Variants in PSD3 observed in about 807,000 individuals in gnomAD.
PSD3 encodes PH and SEC7 domain-containing protein 3.
In PSD3, 49 loss-of-function variants were observed where a neutral mutation model predicts 105.5. That is an observed-to-expected ratio of 0.46 (90% CI 0.37 to 0.59). The LOEUF (loss-of-function observed/expected upper bound fraction) is 0.59. Ranked by LOEUF, PSD3 falls within the 20% of genes least tolerant of loss-of-function variation. PSD3 has a pLI of 0.00. For missense variants in PSD3, 1,561 were observed against 1,263.8 expected (o/e 1.24, Z -3.57); for synonymous variants, 557 against 457.8 (o/e 1.22, Z -2.77).
chr8:18,622,626 G>A (rs2130719827), intron 11 of PSD3, among the ~76,000 whole-genome samples: 1 of 152,258 alleles, frequency 6.6e-6, no homozygotes, highest in East Asian at 1.9e-4. Flanking sequence ...TTGTACATAA[G>A]TGTACAATTT....
chr8:18,977,966 C>G lies in PSD3; in HGVS notation c.21+35597G>C, dbSNP rs1016881604. On this transcript the variant is annotated intron_variant, in intron 1 of 15. Coordinates refer to ENST00000327040, the MANE Select transcript of PSD3 (RefSeq NM_015310.4). Reference sequence around the variant, plus strand: ...CCAGAGATGGACTTTTGAGCAAAAACAAGTGAACAATACATGATTTACTGA... The same window carrying G: ...CCAGAGATGGACTTTTGAGCAAAAAGAAGTGAACAATACATGATTTACTGA... Among the ~76,000 whole-genome samples, 2 of 152,096 alleles carry G rather than the reference C, an allele frequency of 1.3e-5. 1 individual carries two copies. The highest frequency in any genetic ancestry group is 2.9e-5 in the Non-Finnish European group (2 of 68,020).
At chr8:18,650,782 C>A (rs180707293) in intron 10 of PSD3, among the ~76,000 whole-genome samples, 303 of 152,330 alleles carry the variant, frequency 2.0e-3, no homozygotes, top group Non-Finnish European at 2.6e-3. Flanking sequence ...ATGAGACTAG[C>A]AAATTAATAC....
chr8:18,701,344 A>G (rs1801571967), intron 9 of PSD3, among the ~76,000 whole-genome samples: 1 of 152,080 alleles, frequency 6.6e-6, no homozygotes, highest in South Asian at 2.1e-4. Flanking sequence ...GTGTCTCTTG[A>G]GTTGGTATAA....
chr8:18,944,571 AAAATAAATAAATAAATAAAT>A (rs56700106), intron 1 of PSD3, among the ~76,000 whole-genome samples: 135 of 143,852 alleles, frequency 9.4e-4, no homozygotes, highest in African/African-American at 1.1e-3. Flanking sequence ...ACTCCATCTC[AAAATAAATAAATAAATAAAT>A]AAATAAATAA....
intron 2 of PSD3, among the ~76,000 whole-genome samples, chr8:18,919,714 A>G (rs772608335): frequency 1.2e-4 from 18 of 151,972 alleles, no homozygotes; most frequent in Non-Finnish European, 2.5e-4. Flanking sequence ...CATGGATGAA[A>G]TTGGAAATCA....
chr8:18,874,228 C>T (rs549432212), intron 2 of PSD3, among the ~76,000 whole-genome samples: 1 of 152,080 alleles, frequency 6.6e-6, no homozygotes, highest in African/African-American at 2.4e-5. Flanking sequence ...GTGGTACGAT[C>T]TCGGTTCACT....
At chr8:18,666,619 G>A (rs1799475244) in intron 9 of PSD3, among the ~76,000 whole-genome samples, 1 of 152,086 alleles carries the variant, frequency 6.6e-6, no homozygotes, top group Admixed American at 6.6e-5. Context: ...AGGCCAGGGA[G>A]AGACTCCGGG....
chr8:18,870,309 A>G (rs770048725), intron 3 of PSD3, among the ~76,000 whole-genome samples: 1 of 152,238 alleles, frequency 6.6e-6, no homozygotes, highest in Non-Finnish European at 1.5e-5. Flanking sequence ...AGTACAGTAC[A>G]CAACAAATGA....
At chr8:18,658,854 C>T (rs149720673) in intron 9 of PSD3, among the ~76,000 whole-genome samples, 1 of 152,248 alleles carries the variant, frequency 6.6e-6, no homozygotes, top group Non-Finnish European at 1.5e-5. Flanking sequence ...GAATTTCTCT[C>T]TCATCTCAAT....
chr8:18,900,757 A>G (rs867930163), intron 2 of PSD3, among the ~76,000 whole-genome samples: 7 of 149,460 alleles, frequency 4.7e-5, no homozygotes, highest in Non-Finnish European at 8.9e-5. Flanking sequence ...CTGACACCTC[A>G]GCCTCCCAAG....
At position 18,965,871 on chromosome 8, in the gene PSD3, C is replaced by A. The variant is rs372070620; in HGVS notation, c.22-29729G>T. ...TGGACACATAACAGCAGCGTAAATG[C>A]CAGGCCTGAGTTAAGCTCCTGGTAA... On this transcript the variant is annotated intron_variant, in intron 1 of 15. Coordinates refer to ENST00000327040, the MANE Select transcript of PSD3 (RefSeq NM_015310.4). 4.1e-4 allele frequency among the ~76,000 whole-genome samples: 62 copies of A among 152,312 alleles called. No individual in the cohort carries two copies. The South Asian group carries it at 0.012, about 30-fold the overall frequency.
intron 9 of PSD3, among the ~76,000 whole-genome samples, chr8:18,663,807 A>G (rs1256839067): frequency 2.6e-5 from 4 of 152,206 alleles, no homozygotes; most frequent in Non-Finnish European, 5.9e-5. Flanking sequence ...CGTATACGAT[A>G]ATGCTTTACA....
At chr8:18,581,832 C>G (rs746334786) in intron 12 of PSD3, among the ~76,000 whole-genome samples, 1 of 152,122 alleles carries the variant, frequency 6.6e-6, no homozygotes, top group Non-Finnish European at 1.5e-5. Context: ...GTAAAGGGAT[C>G]TGACATTACT....
chr8:18,575,504 T>C (rs1429922087), intron 12 of PSD3, among the ~76,000 whole-genome samples: 1 of 152,004 alleles, frequency 6.6e-6, no homozygotes, highest in Non-Finnish European at 1.5e-5. Flanking sequence ...ACCCAAGGCA[T>C]TTTTTTAAAA....
At chr8:18,949,163 A>G (rs1213963795) in intron 1 of PSD3, among the ~76,000 whole-genome samples, 1 of 133,694 alleles carries the variant, frequency 7.5e-6, no homozygotes, top group Non-Finnish European at 1.6e-5. Flanking sequence ...CAGAGCTTGC[A>G]GTGAGCCGAG....
intron 4 of PSD3, among the ~76,000 whole-genome samples, chr8:18,819,552 C>T (rs1477601927): frequency 2.0e-5 from 3 of 146,600 alleles, no homozygotes; most frequent in African/African-American, 7.5e-5. Flanking sequence ...TTAAATATTT[C>T]AAATTCTTTA....
At chr8:18,674,353 G>A (rs1357856807) in intron 9 of PSD3, among the ~76,000 whole-genome samples, 1 of 152,042 alleles carries the variant, frequency 6.6e-6, no homozygotes, top group African/African-American at 2.4e-5. Flanking sequence ...TTAGTATTTG[G>A]CATCCAGTTT....
chr8:18,822,625 A>G (rs1489674651), intron 4 of PSD3, among the ~76,000 whole-genome samples: 1 of 152,220 alleles, frequency 6.6e-6, no homozygotes, highest in Non-Finnish European at 1.5e-5. Context: ...CCTAAATGAC[A>G]TAAGCTATCA....
At chr8:18,723,282 C>A (rs1019044621) in intron 9 of PSD3, among the ~76,000 whole-genome samples, 4 of 152,202 alleles carry the variant, frequency 2.6e-5, no homozygotes, top group African/African-American at 9.6e-5. Flanking sequence ...TTGTTACTCT[C>A]TGCATAGAAA....
Sources: allele counts gnomAD v4.1 joint callset (sites outside exome capture counted in the v4.1 genomes callset), GRCh38; gene constraint gnomAD v4.1.1; transcripts MANE v1.5; gene names NCBI Gene and HGNC (gene_info 2026-07-23, HGNC 2026-07-21).